The following RFTN2 variants were observed in gnomAD, a reference collection of about 807,000 sequenced individuals.
RFTN2 encodes the protein raftlin family member 2.
Under a neutral mutation model 52.7 loss-of-function variants are expected in RFTN2, and 34 were observed. The ratio of observed to expected loss-of-function variants is 0.64; its 90% CI spans 0.49 to 0.86. The LOEUF (loss-of-function observed/expected upper bound fraction) is 0.86, where lower values mean the gene tolerates loss of function less well. RFTN2 is among the 40% of genes least tolerant of loss of function. The pLI is 0.00. For synonymous variants in RFTN2, 203 were observed against 217.7 expected (o/e 0.93, Z 0.59); for missense variants, 536 against 600.1 (o/e 0.89, Z 1.12).
intron 3 of RFTN2, among the ~76,000 whole-genome samples, chr2:197,640,571 C>T (rs1306708172): frequency 2.6e-5 from 4 of 152,254 alleles, no homozygotes; most frequent in Non-Finnish European, 4.4e-5. Flanking sequence ...CCAAGTGAGG[C>T]AATGCCTCGC....
chr2:197,584,098 T>C (rs1438085671), intron 8 of RFTN2, among the ~76,000 whole-genome samples: 1 of 152,220 alleles, frequency 6.6e-6, no homozygotes, highest in Non-Finnish European at 1.5e-5. Flanking sequence ...CATGTGCATG[T>C]GTCTTCATGG....
chr2:197,643,163 G>A lies in RFTN2; in HGVS notation c.438+995C>T, dbSNP rs1272505769. On this transcript the variant is annotated intron_variant, in intron 3 of 8. Coordinates refer to ENST00000295049, the MANE Select transcript of RFTN2 (RefSeq NM_144629.3). ...TGTAGTGGCTTGATCACAGCTCACTGCAGGCTCACTTCTAGGCTCAGGTGA... is the reference window on the plus strand; with the variant it reads ...TGTAGTGGCTTGATCACAGCTCACTACAGGCTCACTTCTAGGCTCAGGTGA... Among the ~76,000 whole-genome samples, 13 of 152,100 alleles carry A rather than the reference G, an allele frequency of 8.5e-5. No homozygotes were observed. In the East Asian group the frequency reaches 2.5e-3, roughly 29 times the overall value.
chr2:197,582,161 G>T (rs1292670173), intron 8 of RFTN2, among the ~76,000 whole-genome samples: 1 of 152,162 alleles, frequency 6.6e-6, no homozygotes, highest in East Asian at 1.9e-4. Context: ...ACTTTTAGAG[G>T]CCCTCAAAAT....
chr2:197,587,302 C>T (rs1205541248), intron 8 of RFTN2, among the ~76,000 whole-genome samples: 3 of 152,064 alleles, frequency 2.0e-5, no homozygotes, highest in African/African-American at 4.8e-5. Flanking sequence ...TTTTCGCCGT[C>T]CCAACACTTT....
intron 6 of RFTN2, among the ~76,000 whole-genome samples, chr2:197,616,731 C>T (rs758461368): frequency 6.6e-5 from 10 of 152,072 alleles, no homozygotes; most frequent in East Asian, 5.8e-4. Context: ...AGATGAGAGG[C>T]GCTTGGGTGT....
At chr2:197,669,029 A>G (rs1262361819) in intron 1 of RFTN2, among the ~76,000 whole-genome samples, 2 of 151,904 alleles carry the variant, frequency 1.3e-5, no homozygotes, top group African/African-American at 4.8e-5. Flanking sequence ...TGTTTTAGAT[A>G]TTTCTTGTCA....
At chr2:197,577,330 CA>C (rs1308092702) in intron 8 of RFTN2, among the ~76,000 whole-genome samples, 4 of 152,356 alleles carry the variant, frequency 2.6e-5, no homozygotes, top group South Asian at 4.1e-4. Context: ...GGTCCTTTCT[CA>C]ACAATGGCCC....
chr2:197,654,943 G>A (rs1247469780), intron 1 of RFTN2, among the ~76,000 whole-genome samples: 1 of 152,052 alleles, frequency 6.6e-6, no homozygotes, highest in Non-Finnish European at 1.5e-5. Flanking sequence ...GTTGCAGTGA[G>A]CCAAGATGGG....
chr2:197,619,542 C>G (rs1365608201), intron 5 of RFTN2, among the ~76,000 whole-genome samples: 3 of 148,512 alleles, frequency 2.0e-5, no homozygotes, highest in African/African-American at 7.4e-5. Flanking sequence ...TGCTTGAAGG[C>G]AGCATGCTCC....
rs773809912 is a variant in RFTN2 at position 197,595,945 on chromosome 2, A to G, written c.1233+46T>C. On this transcript the variant is annotated intron_variant, in intron 8 of 8. Coordinates refer to ENST00000295049, the MANE Select transcript of RFTN2 (RefSeq NM_144629.3). ...ATTACAATGAGAGTTTAAGGATTAA[A>G]TGCTTCAATATAACATTCAGTTAAT... 3 of 1,232,206 alleles carry G rather than the reference A, an allele frequency of 2.4e-6. No individual in the cohort carries two copies. In the South Asian group the frequency reaches 3.7e-5, roughly 15 times the overall value. 76.3% of individuals were successfully genotyped at this position (1,232,206 alleles called of 1,614,324 possible).
At chr2:197,657,421 T>G (rs1018549161) in intron 1 of RFTN2, among the ~76,000 whole-genome samples, 11 of 152,046 alleles carry the variant, frequency 7.2e-5, no homozygotes, top group African/African-American at 2.7e-4. Flanking sequence ...AGTGATCTAG[T>G]TTTCCTAGAC....
intron 8 of RFTN2, 74 bp from the exon 9 acceptor site, chr2:197,572,354 C>T: frequency 2.2e-6 from 3 of 1,391,056 alleles, no homozygotes; most frequent in South Asian, 2.5e-5. Flanking sequence ...CTAGCACATG[C>T]TGCCTTTCTG....
At chr2:197,640,819 C>T (rs1041044826) in intron 3 of RFTN2, among the ~76,000 whole-genome samples, 2 of 152,220 alleles carry the variant, frequency 1.3e-5, no homozygotes, top group Non-Finnish European at 2.9e-5. Flanking sequence ...TAAGAGTTAG[C>T]TTTTGTTGAA....
intron 7 of RFTN2, among the ~76,000 whole-genome samples, chr2:197,596,913 T>C (rs900132303): frequency 6.6e-6 from 1 of 152,206 alleles, no homozygotes; most frequent in Non-Finnish European, 1.5e-5. Flanking sequence ...CAAAGACTGC[T>C]TGGGGTTTGT....
intron 1 of RFTN2, among the ~76,000 whole-genome samples, chr2:197,649,979 G>A (rs911582634): frequency 3.9e-5 from 6 of 152,074 alleles, no homozygotes; most frequent in Admixed American, 1.3e-4. Flanking sequence ...ATGTCATTTG[G>A]AGTTGGATTG....
At chr2:197,587,309 C>G (rs1329609952) in intron 8 of RFTN2, among the ~76,000 whole-genome samples, 2 of 152,092 alleles carry the variant, frequency 1.3e-5, no homozygotes, top group Admixed American at 1.3e-4. Flanking sequence ...CGTCCCAACA[C>G]TTTACCACTA....
intron 8 of RFTN2, among the ~76,000 whole-genome samples, chr2:197,582,182 G>A (rs1227624830): frequency 6.6e-6 from 1 of 152,174 alleles, no homozygotes; most frequent in Non-Finnish European, 1.5e-5. Flanking sequence ...CACAAACTAT[G>A]CTCAACTCAC....
At chr2:197,643,652 T>G (rs2088705982) in intron 3 of RFTN2, among the ~76,000 whole-genome samples, 1 of 152,176 alleles carries the variant, frequency 6.6e-6, no homozygotes, top group Non-Finnish European at 1.5e-5. Flanking sequence ...GAACCTCCTA[T>G]AGGACATGTC....
At chr2:197,596,931 T>C (rs1459157653) in intron 7 of RFTN2, among the ~76,000 whole-genome samples, 1 of 152,222 alleles carries the variant, frequency 6.6e-6, no homozygotes, top group Non-Finnish European at 1.5e-5. Flanking sequence ...TGTATTCCTC[T>C]GAAATGCTTT....
Sources: gnomAD v4.1 joint callset for allele counts (sites outside exome capture counted in the v4.1 genomes callset) on GRCh38, gnomAD v4.1.1 for gene constraint, MANE v1.5 for transcripts, NCBI Gene and HGNC (gene_info 2026-07-23, HGNC 2026-07-21) for gene names.